LRRC37A2: variants seen among roughly 807,000 people sequenced by gnomAD.
LRRC37A2 encodes leucine-rich repeat-containing protein 37A2.
LRRC37A2 carries 9 observed loss-of-function variants against 68.8 expected under a neutral mutation model. The ratio of observed to expected loss-of-function variants is 0.13; its 90% CI spans 0.08 to 0.23. The LOEUF (loss-of-function observed/expected upper bound fraction) is 0.23. Ranked by LOEUF, LRRC37A2 falls within the 10% of genes least tolerant of loss-of-function variation. LRRC37A2 has a pLI of 1.00. For synonymous variants in LRRC37A2, 63 were observed against 367.6 expected, an observed-to-expected ratio of 0.17 and a Z score of 9.48; for missense variants, 168 against 950.4, an observed-to-expected ratio of 0.18 and a Z score of 10.82.
chr17:46,709,742 G>T, the LRRC37A2 span, among the ~76,000 whole-genome samples: 9 of 151,944 alleles, frequency 5.9e-5, no homozygotes, highest in African/African-American at 1.5e-4. Flanking sequence ...TGATCCACCC[G>T]CCTCAGCCTC....
the LRRC37A2 span, among the ~76,000 whole-genome samples, chr17:46,857,488 A>G: frequency 6.6e-6 from 1 of 152,024 alleles, no homozygotes; most frequent in East Asian, 1.9e-4. Context: ...AAAAAAAAAA[A>G]AAAAAAAAGA....
the LRRC37A2 span, among the ~76,000 whole-genome samples, chr17:46,890,141 T>A: frequency 6.6e-6 from 1 of 152,194 alleles, no homozygotes; most frequent in Non-Finnish European, 1.5e-5. Context: ...TCCTCGCTCC[T>A]CTTCCCTCCC....
At chr17:46,823,125 AT>A in the LRRC37A2 span, among the ~76,000 whole-genome samples, 2 of 134,070 alleles carry the variant, frequency 1.5e-5, no homozygotes, top group Non-Finnish European at 3.1e-5. Flanking sequence ...TATATATTAT[AT>A]ATTATATATA....
the LRRC37A2 span, among the ~76,000 whole-genome samples, chr17:46,764,776 G>A: frequency 6.6e-6 from 1 of 152,218 alleles, no homozygotes; most frequent in African/African-American, 2.4e-5. Flanking sequence ...GCTCTCCTCT[G>A]TGCTTTGGGC....
At chr17:46,747,534 C>T in the LRRC37A2 span, among the ~76,000 whole-genome samples, 8 of 152,128 alleles carry the variant, frequency 5.3e-5, no homozygotes, top group Admixed American at 5.2e-4. Context: ...TCCATCTCAG[C>T]CTCCCAAAGT....
the LRRC37A2 span, among the ~76,000 whole-genome samples, chr17:46,802,134 T>A: frequency 2.0e-5 from 3 of 152,224 alleles, no homozygotes; most frequent in African/African-American, 7.2e-5. Context: ...CCTAAAATCC[T>A]TAGAAACTCC....
the LRRC37A2 span, among the ~76,000 whole-genome samples, chr17:47,034,802 C>T: frequency 6.6e-6 from 1 of 151,576 alleles, no homozygotes; most frequent in South Asian, 2.1e-4. Context: ...CAGAGCCCAC[C>T]AGTGGTCTTA....
chr17:46,819,047 G>T, the LRRC37A2 span, among the ~76,000 whole-genome samples: 1,588 of 152,310 alleles, frequency 0.01, 13 homozygotes, highest in Non-Finnish European at 0.015. This position sits in a 1 kb window ranked among gnomAD's most constrained non-coding sequence, Gnocchi z 5.3. Flanking sequence ...AGGGCTTGGC[G>T]TGGGCATGAA....
chr17:46,918,880 G>A, the LRRC37A2 span, among the ~76,000 whole-genome samples: 41 of 152,198 alleles, frequency 2.7e-4, no homozygotes, highest in Non-Finnish European at 4.4e-4. Context: ...TTTTGTGTAC[G>A]CTGTTTCCTC....
intron 4 of LRRC37A2, among the ~76,000 whole-genome samples, chr17:46,522,634 CAG>C: frequency 1.5e-5 from 1 of 65,992 alleles, no homozygotes; most frequent in East Asian, 5.3e-4. Flanking sequence ...TTTGTAGAGA[CAG>C]GGTTTCACCG....
chr17:46,630,917 TA>T, the LRRC37A2 span, among the ~76,000 whole-genome samples: 24 of 135,206 alleles, frequency 1.8e-4, no homozygotes, highest in South Asian at 2.3e-4. Context: ...CTTTAAAACT[TA>T]AAAAAAAATT....
chr17:47,029,126 C>T, the LRRC37A2 span, among the ~76,000 whole-genome samples: 2 of 151,842 alleles, frequency 1.3e-5, no homozygotes, highest in African/African-American at 4.8e-5. Flanking sequence ...TGCAGTGAGC[C>T]GAGATTGTGC....
chr17:46,942,035 A>C, the LRRC37A2 span: 2 of 776,014 alleles, frequency 2.6e-6, no homozygotes, highest in Non-Finnish European at 3.1e-6. Context: ...AGTCCAAAAA[A>C]GATTTGAGGA....
the LRRC37A2 span, among the ~76,000 whole-genome samples, chr17:46,740,819 G>A: frequency 6.6e-6 from 1 of 151,986 alleles, no homozygotes; most frequent in African/African-American, 2.4e-5. Context: ...GCACCACCAC[G>A]TCCAGCTAAT....
chr17:46,777,124 C>T, the LRRC37A2 span, among the ~76,000 whole-genome samples: 5 of 152,284 alleles, frequency 3.3e-5, no homozygotes, highest in Non-Finnish European at 7.3e-5. Flanking sequence ...GCAGGAGAAT[C>T]GCTTGAACCT....
the LRRC37A2 span, among the ~76,000 whole-genome samples, chr17:46,984,527 C>A: frequency 6.6e-6 from 1 of 152,220 alleles, no homozygotes; most frequent in African/African-American, 2.4e-5. Flanking sequence ...CATTTCCCAG[C>A]TCTGGAAGGG....
At chr17:46,534,407 GC>G (rs1395330508) in intron 6 of LRRC37A2, among the ~76,000 whole-genome samples, 1 of 147,316 alleles carries the variant, frequency 6.8e-6, no homozygotes, top group African/African-American at 2.6e-5. Context: ...CTCTTAACGA[GC>G]ATGCTGCTTT....
At chr17:46,799,314 T>A in the LRRC37A2 span, among the ~76,000 whole-genome samples, 1 of 152,194 alleles carries the variant, frequency 6.6e-6, no homozygotes, top group Non-Finnish European at 1.5e-5. Flanking sequence ...TTTTCTGTTT[T>A]GGAAGGAATT....
the LRRC37A2 span, among the ~76,000 whole-genome samples, chr17:46,778,706 G>C: frequency 6.6e-6 from 1 of 152,118 alleles, no homozygotes; most frequent in Admixed American, 6.6e-5. Flanking sequence ...TGACGGATTT[G>C]CCTAGCCAGC....
Sources: gnomAD v4.1 joint callset for allele counts (sites outside exome capture counted in the v4.1 genomes callset) on GRCh38, gnomAD v4.1.1 for gene constraint, Gnocchi (gnomAD v3.1) non-coding constraint, MANE v1.5 for transcripts, NCBI Gene and HGNC (gene_info 2026-07-23, HGNC 2026-07-21) for gene names.